Variants in PTPRD observed in about 807,000 individuals in gnomAD.
PTPRD encodes the protein receptor-type tyrosine-protein phosphatase delta.
Under a neutral mutation model 214.5 loss-of-function variants are expected in PTPRD, and 34 were observed. The ratio of observed to expected loss-of-function variants is 0.16; its 90% CI spans 0.12 to 0.21. The LOEUF (loss-of-function observed/expected upper bound fraction) is 0.21. Ranked by LOEUF, PTPRD falls within the 10% of genes least tolerant of loss-of-function variation. PTPRD has a pLI of 1.00. For missense variants in PTPRD, 2,545 were observed against 2,398.7 expected (o/e 1.06, Z -1.27); for synonymous variants, 1,128 against 845.7 (o/e 1.33, Z -5.79).
At chr9:8,778,587 C>G (rs949441941) in intron 11 of PTPRD, among the ~76,000 whole-genome samples, 1 of 152,170 alleles carries the variant, frequency 6.6e-6, no homozygotes, top group African/African-American at 2.4e-5. Flanking sequence ...CCAAGCTCCA[C>G]AGGACCAATT....
intron 3 of PTPRD, among the ~76,000 whole-genome samples, chr9:10,324,616 T>C (rs1467705004): frequency 1.3e-5 from 2 of 152,026 alleles, no homozygotes; most frequent in African/African-American, 2.4e-5. Flanking sequence ...TGGCTTCATA[T>C]GCGTTCCAAG....
At position 10,023,412 on chromosome 9, in the gene PTPRD, T is replaced by C. The variant is rs181428097; in HGVS notation, c.-472+10306A>G. ...AAAGCAAGGACTCCTGTCCGTCCTT[T>C]TGTGAAAACAAAATTCAATTCTGCA... On this transcript the variant is annotated intron_variant, in intron 4 of 45. Transcript: ENST00000381196. 1.8e-4 allele frequency among the ~76,000 whole-genome samples: 27 copies of C among 152,288 alleles called. No individual in the cohort carries two copies. In the East Asian group the frequency reaches 2.9e-3, roughly 16 times the overall value.
chr9:9,709,831 C>G (rs1564678409), intron 7 of PTPRD, among the ~76,000 whole-genome samples: 1 of 152,018 alleles, frequency 6.6e-6, no homozygotes, highest in Admixed American at 6.6e-5. Context: ...TATTCCATTA[C>G]AGATTGATTT....
At chr9:9,339,506 G>T (rs1467239068) in intron 9 of PTPRD, among the ~76,000 whole-genome samples, 2 of 152,074 alleles carry the variant, frequency 1.3e-5, no homozygotes, top group East Asian at 3.9e-4. Flanking sequence ...CTGGAGTTAA[G>T]TTGACGAATA....
At chr9:8,525,194 G>A (rs375964649) in intron 17 of PTPRD, 159 bp from the exon 18 acceptor site, 161 of 753,476 alleles carry the variant, frequency 2.1e-4, no homozygotes, top group Admixed American at 5.5e-4. Flanking sequence ...AAAATGATGC[G>A]ATGAGAAAAA....
intron 9 of PTPRD, among the ~76,000 whole-genome samples, chr9:9,222,412 T>C (rs1182013489): frequency 6.6e-6 from 1 of 151,944 alleles, no homozygotes; most frequent in African/African-American, 2.4e-5. Flanking sequence ...ACACAGGGAG[T>C]GCGACATTAC....
intron 5 of PTPRD, among the ~76,000 whole-genome samples, chr9:9,898,214 G>A (rs1225395038): frequency 6.6e-6 from 1 of 152,040 alleles, no homozygotes; most frequent in Non-Finnish European, 1.5e-5. Flanking sequence ...CAGAAATATA[G>A]AGGTCTATAT....
At chr9:8,776,358 A>G (rs546050737) in intron 11 of PTPRD, among the ~76,000 whole-genome samples, 88 of 152,268 alleles carry the variant, frequency 5.8e-4, no homozygotes, top group Admixed American at 2.1e-3. Context: ...GCTGGAGTGC[A>G]ATGGTGCAAT....
chr9:10,309,128 C>A (rs1038002273), intron 3 of PTPRD, among the ~76,000 whole-genome samples: 1 of 152,008 alleles, frequency 6.6e-6, no homozygotes, highest in African/African-American at 2.4e-5. Flanking sequence ...GCATCCTTTT[C>A]AAATGTACTC....
chr9:9,477,195 C>A lies in PTPRD; in HGVS notation c.-236-79713G>T, dbSNP rs1171744185. On this transcript the variant is annotated intron_variant, in intron 8 of 45. Coordinates refer to ENST00000381196, the MANE Select transcript of PTPRD (RefSeq NM_002839.4). Reference sequence around the variant, plus strand: ...TGTCTGACTCCACAATATTTTTATCCCATAAACCAAATTATTTATCAGTTT... The same window carrying A: ...TGTCTGACTCCACAATATTTTTATCACATAAACCAAATTATTTATCAGTTT... 2.0e-5 allele frequency among the ~76,000 whole-genome samples: 3 copies of A among 152,124 alleles called. No homozygotes were observed. In the South Asian group the frequency reaches 6.2e-4, roughly 32 times the overall value.
At chr9:9,171,498 G>A (rs1257610156) in intron 10 of PTPRD, among the ~76,000 whole-genome samples, 1 of 151,720 alleles carries the variant, frequency 6.6e-6, no homozygotes, top group African/African-American at 2.4e-5. Context: ...AGTGATTGAA[G>A]GGGTCTTAAA....
chr9:9,122,742 G>A (rs913461522), intron 10 of PTPRD, among the ~76,000 whole-genome samples: 3 of 152,112 alleles, frequency 2.0e-5, no homozygotes, highest in Non-Finnish European at 4.4e-5. Context: ...TACAGATATG[G>A]ACTATACCCA....
chr9:8,925,035 G>T (rs2098862467), intron 11 of PTPRD, among the ~76,000 whole-genome samples: 1 of 152,052 alleles, frequency 6.6e-6, no homozygotes, highest in African/African-American at 2.4e-5. Flanking sequence ...GAGAGCTCAG[G>T]CAATAAAACT....
At chr9:8,526,250 C>CAA (rs564241986) in intron 17 of PTPRD, among the ~76,000 whole-genome samples, 1 of 44,834 alleles carries the variant, frequency 2.2e-5, no homozygotes, top group Admixed American at 2.3e-4. Context: ...TCCGGTTGGA[C>CAA]AAAAAAAAAG....
At chr9:10,316,575 C>CT (rs1177857618) in intron 3 of PTPRD, among the ~76,000 whole-genome samples, 3 of 151,830 alleles carry the variant, frequency 2.0e-5, no homozygotes, top group Admixed American at 6.6e-5. Context: ...TTCATTTGGT[C>CT]TTTTTCCAGA....
Position 8,316,147 on chromosome 9 carries a change from T to G in PTPRD, c.*1727A>C, listed in dbSNP as rs1821604676. On this transcript the variant is annotated 3_prime_UTR_variant, in exon 46 of 46. Transcript: ENST00000381196. The stretch of plus-strand genomic sequence containing the variant: ...ATAAAAGGAAGAAGGGCCCTGATTA[T>G]CCAAGTGCTTTGGGCTGGTACAATC... 4.3e-6 allele frequency: 1 copy of G among 229,988 alleles called. No homozygotes were observed. Among genetic ancestry groups the G allele is most frequent in the South Asian group, 1.8e-4 (1 of 5,500 alleles). The allele number at this position is 229,988 out of a possible 1,614,324, so 14.2% of individuals were successfully genotyped here. A position where few individuals can be genotyped will look rare whatever the true frequency, so the allele number is the denominator to read the frequency against.
In PTPRD at chr9:8,621,884, T is replaced by C. The variant is rs192506813; in HGVS notation, c.352+11433A>G. Among the ~76,000 whole-genome samples the C allele has an allele frequency of 5.7e-4, 87 of 152,100 alleles. 1 individual carries two copies. The highest frequency in any genetic ancestry group is 3.4e-3 in the Admixed American group (52 of 15,232). On this transcript the variant is annotated intron_variant, in intron 14 of 45. Transcript: ENST00000381196. ...TTCAAGCCTTAAAAAGTAACTTATATAACAGTGTTCCTGTTTTGGAGTACA... is the reference window on the plus strand; with the variant it reads ...TTCAAGCCTTAAAAAGTAACTTATACAACAGTGTTCCTGTTTTGGAGTACA...
At position 8,499,822 on chromosome 9, in the gene PTPRD, C is replaced by T. The variant is rs758558790; in HGVS notation, c.2147G>A (p.Arg716His). Residue 716 changes from arginine to histidine, a missense_variant, in exon 25 of 46, where the codon CGC (arginine) becomes CAC (histidine). Transcript: ENST00000381196. ...GTTGACAGCCTCTACCTCGACTTTG[C>T]GAGGAGGACCACTAGGAACTGGAAC... ...TNEDVPSGPPRKVEVEAVNST... is the reference protein window; with the variant it reads ...TNEDVPSGPPHKVEVEAVNST... 1.6e-5 allele frequency: 25 copies of T among 1,611,110 alleles called. No individual in the cohort carries two copies. Among genetic ancestry groups the T allele is most frequent in the African/African-American group, 2.7e-5 (2 of 74,898 alleles).
chr9:10,174,829 G>C (rs2099236892), intron 3 of PTPRD, among the ~76,000 whole-genome samples: 1 of 152,012 alleles, frequency 6.6e-6, no homozygotes, highest in Non-Finnish European at 1.5e-5. Context: ...TAAACTCTAT[G>C]CTTAATGTTA....
Sources: gnomAD v4.1 joint callset for allele counts (sites outside exome capture counted in the v4.1 genomes callset) on GRCh38, gnomAD v4.1.1 for gene constraint, MANE v1.5 for transcripts, NCBI Gene and HGNC (gene_info 2026-07-23, HGNC 2026-07-21) for gene names.